Variants in PPM1G observed in about 807,000 individuals in gnomAD.
The protein encoded by PPM1G is protein phosphatase, Mg2+/Mn2+ dependent 1G.
In PPM1G, 12 loss-of-function variants were observed where a neutral mutation model predicts 59.4. The ratio of observed to expected loss-of-function variants is 0.20; its 90% CI spans 0.13 to 0.33. The LOEUF (loss-of-function observed/expected upper bound fraction) is 0.33. PPM1G is among the 10% of genes least tolerant of loss of function. The pLI, the probability that PPM1G is intolerant of heterozygous loss-of-function variation, is 1.00. For missense variants in PPM1G, 392 were observed against 681.3 expected (o/e 0.58, Z 4.73); for synonymous variants, 245 against 251.9 (o/e 0.97, Z 0.26).
intron 1 of PPM1G, among the ~76,000 whole-genome samples, chr2:27,398,311 AAAG>A (rs1684099231): frequency 6.6e-6 from 1 of 152,210 alleles, no homozygotes; most frequent in Non-Finnish European, 1.5e-5. Flanking sequence ...TCCACACACA[AAAG>A]AATGAAGTTG....
chr2:27,382,433 A>G lies in PPM1G; in HGVS notation c.1331+43T>C. 1 of 1,612,104 alleles carries G rather than the reference A, an allele frequency of 6.2e-7. No individual in the cohort carries two copies. Among genetic ancestry groups the G allele is most frequent in the Non-Finnish European group, 8.5e-7 (1 of 1,179,170 alleles). ...TGCCCTGAGTCCTATAAGAGAAGAC[A>G]TGCTGCAGAAAGGGGAATTTAGGGC... On this transcript the variant is annotated intron_variant, in intron 8 of 9. Transcript: ENST00000344034. The surrounding 1 kb of genome is among the most constrained non-coding windows in gnomAD (Gnocchi z 4.2).
At position 27,381,553 on chromosome 2, in the gene PPM1G, G is replaced by A. The variant is rs377582896; in HGVS notation, c.*46C>T. 6 of 1,606,430 alleles carry A rather than the reference G, an allele frequency of 3.7e-6. No individual in the cohort carries two copies. The African/African-American group carries it at 4.0e-5, about 11-fold the overall frequency. On this transcript the variant is annotated 3_prime_UTR_variant, in exon 10 of 10. Coordinates refer to ENST00000344034, the MANE Select transcript of PPM1G (RefSeq NM_177983.3). ...AAAGACAAAACTCAGTCTCAGGTCC[G>A]GAGGGCTCAGAAAACAGTCTAGGTG...
chr2:27,393,937 T>C (rs1481159430), intron 1 of PPM1G, among the ~76,000 whole-genome samples: 1 of 152,162 alleles, frequency 6.6e-6, no homozygotes, highest in Non-Finnish European at 1.5e-5. Context: ...CTGATTTTTG[T>C]ATTTTTAGCA....
Position 27,383,348 on chromosome 2 carries a change from C to T in PPM1G, c.1201+18G>A. ...AGAGAAAGACCCTAGAAGTCTTTCC[C>T]AGTTTCTTGGCCCTTACCAATGGCT... On this transcript the variant is annotated intron_variant, in intron 7 of 9. Coordinates refer to ENST00000344034, the MANE Select transcript of PPM1G (RefSeq NM_177983.3). The surrounding 1 kb of genome is among the most constrained non-coding windows in gnomAD (Gnocchi z 5.0). 6.2e-7 allele frequency: 1 copy of T among 1,607,710 alleles called. No individual in the cohort carries two copies. The highest frequency in any genetic ancestry group is 1.3e-5 in the African/African-American group (1 of 74,844).
At chr2:27,408,550 T>A (rs1303678301) in intron 1 of PPM1G, among the ~76,000 whole-genome samples, 1 of 152,150 alleles carries the variant, frequency 6.6e-6, no homozygotes, top group Non-Finnish European at 1.5e-5. Context: ...AAAAAATTGA[T>A]GAAATGACTT....
Position 27,383,381 on chromosome 2 carries a change from G to C in PPM1G, c.1186C>G (p.Leu396Val). ...TGGCCCTTACCAATGGCTCTGGAGA[G>C]GTTGAGGCCCCCGTTGACTCGCCCA... ...MDGRVNGGLNLSRAIGDHFYK... is the reference protein window; with the variant it reads ...MDGRVNGGLNVSRAIGDHFYK... The change falls in exon 7 of 10, where the codon CTC becomes GTC. Residue 396 changes from leucine to valine, a missense_variant. Physicochemically the swap from Leu to Val is conservative, Grantham distance 32. This residue lies in a region of PPM1G where 53 missense variants were observed against 175.4 expected (regional missense o/e 0.30). Coordinates refer to ENST00000344034, the MANE Select transcript of PPM1G (RefSeq NM_177983.3). The surrounding 1 kb of genome is among the most constrained non-coding windows in gnomAD (Gnocchi z 5.0). 2 of 1,614,130 alleles carry C rather than the reference G, an allele frequency of 1.2e-6. No individual in the cohort carries two copies. The highest frequency in any genetic ancestry group is 1.7e-6 in the Non-Finnish European group (2 of 1,180,000).
rs1008031206 is a variant in PPM1G at position 27,383,727 on chromosome 2, G to A, written c.967-127C>T. On this transcript the variant is annotated intron_variant, in intron 6 of 9. Coordinates refer to ENST00000344034, the MANE Select transcript of PPM1G (RefSeq NM_177983.3). The surrounding 1 kb of genome is among the most constrained non-coding windows in gnomAD (Gnocchi z 5.0). The stretch of plus-strand genomic sequence containing the variant: ...AAAAGAGCTTTAACAAACAGGAGAA[G>A]CACACATTTCATCTTTCTAGAGACA... The A allele has an allele frequency of 8.7e-7, 1 of 1,151,612 alleles. No individual in the cohort carries two copies. Among genetic ancestry groups the A allele is most frequent in the Non-Finnish European group, 1.2e-6 (1 of 820,518 alleles). 71.3% of individuals were successfully genotyped at this position (1,151,612 alleles called of 1,614,324 possible). A position where few individuals can be genotyped will look rare whatever the true frequency, so the allele number is the denominator to read the frequency against.
chr2:27,386,295 G>A lies in PPM1G; in HGVS notation c.191-16C>T, dbSNP rs780773184. On this transcript the variant is annotated splice_polypyrimidine_tract_variant and intron_variant, in intron 2 of 9. Coordinates refer to ENST00000344034, the MANE Select transcript of PPM1G (RefSeq NM_177983.3). ...ACTTCCTCCCCTAGAAGGAAAGGAA[G>A]GAAGGTCACCTGGAGCACTGCTCCC... 6.3e-7 allele frequency: 1 copy of A among 1,578,016 alleles called. No homozygotes were observed. Among genetic ancestry groups the A allele is most frequent in the East Asian group, 2.2e-5 (1 of 44,644 alleles).
At chr2:27,392,255 C>T (rs1219471141) in intron 1 of PPM1G, among the ~76,000 whole-genome samples, 1 of 148,970 alleles carries the variant, frequency 6.7e-6, no homozygotes, top group East Asian at 2.0e-4. Context: ...TGTTGTTGTT[C>T]CTGGATTACT....
chr2:27,391,974 G>A (rs771830242), intron 1 of PPM1G, among the ~76,000 whole-genome samples: 1 of 151,654 alleles, frequency 6.6e-6, no homozygotes, highest in African/African-American at 2.4e-5. Flanking sequence ...CTCGTGATCT[G>A]CCCACCTTGG....
Position 27,382,315 on chromosome 2 carries a change from G to A in PPM1G, c.1332-87C>T. 6.4e-7 allele frequency: 1 copy of A among 1,554,834 alleles called. No homozygotes were observed. On this transcript the variant is annotated intron_variant, in intron 8 of 9. Coordinates refer to ENST00000344034, the MANE Select transcript of PPM1G (RefSeq NM_177983.3). The surrounding 1 kb of genome is among the most constrained non-coding windows in gnomAD (Gnocchi z 4.2). Reference sequence around the variant, plus strand: ...GACAGAGGTGGTGGCCCAGGCCAGTGTAAATAACTACAGAAATTCTCAGCT... The same window carrying A: ...GACAGAGGTGGTGGCCCAGGCCAGTATAAATAACTACAGAAATTCTCAGCT...
chr2:27,393,755 T>G (rs1037027060), intron 1 of PPM1G, among the ~76,000 whole-genome samples: 3 of 151,286 alleles, frequency 2.0e-5, no homozygotes, highest in Admixed American at 1.3e-4. Context: ...CAGCTAATTT[T>G]TTATTTTTAT....
rs758422602 is a variant in PPM1G, at chr2:27,385,004, T to C, written c.494A>G (p.His165Arg). Reference protein sequence around the residue: ...ELLTRYGQNCHKGPPHSKSGG... With the variant: ...ELLTRYGQNCRKGPPHSKSGG... ...AGATTTGCTGTGGGGAGGGCCCTTG[T>C]GACAGTTCTGCCCGTAGCGTGTCAG... Residue 165 changes from histidine to arginine, a missense_variant, in exon 5 of 10, where the codon CAC becomes CGC. By Grantham distance (29) the His-to-Arg change is conservative. This residue lies in a region of PPM1G where 188 missense variants were observed against 248.8 expected (regional missense o/e 0.76). Coordinates refer to ENST00000344034, the MANE Select transcript of PPM1G (RefSeq NM_177983.3). The surrounding 1 kb of genome is among the most constrained non-coding windows in gnomAD (Gnocchi z 4.1). 6.2e-7 allele frequency: 1 copy of C among 1,614,168 alleles called. No individual in the cohort carries two copies. Among genetic ancestry groups the C allele is most frequent in the Admixed American group, 1.7e-5 (1 of 60,018 alleles).
intron 1 of PPM1G, among the ~76,000 whole-genome samples, chr2:27,394,367 A>G (rs1192379915): frequency 6.6e-6 from 1 of 152,102 alleles, no homozygotes; most frequent in African/African-American, 2.4e-5. Context: ...CATCTGAATT[A>G]TTTTCCCTGA....
At position 27,382,133 on chromosome 2, in the gene PPM1G, A is replaced by G. The variant is rs1216260254; in HGVS notation, c.1427T>C (p.Val476Ala). The change falls in exon 9 of 10, where the codon GTG becomes GCG. Residue 476 changes from valine (V) to alanine (A), a missense_variant. Val to Ala is a moderately conservative substitution (Grantham distance 64). Coordinates refer to ENST00000344034, the MANE Select transcript of PPM1G (RefSeq NM_177983.3). This position sits in a 1 kb window ranked among gnomAD's most constrained non-coding sequence, Gnocchi z 4.2. ...CTCCACCCTGGTACTCACCTCTTCC[A>G]CAATGGATGACAATAACCGAAGCTC... ...NGELRLLSSIVEELLDQCLAP... is the reference protein window; with the variant it reads ...NGELRLLSSIAEELLDQCLAP... 1.2e-6 allele frequency: 2 copies of G among 1,613,782 alleles called. No individual in the cohort carries two copies. Among genetic ancestry groups the G allele is most frequent in the Admixed American group, 3.3e-5 (2 of 60,014 alleles).
Position 27,382,589 on chromosome 2 carries a change from C to T in PPM1G, c.1218G>A (p.Lys406=), listed in dbSNP as rs1319288644. ...CCTCAGGTGGCAGGTTCTTGTTTCT[C>T]TTATAGAAGTGGTCCCCTGGAGTAA... ...LSRAIGDHFY[K]RNKNLPPEEQ... Residue 406 remains lysine (K), a synonymous_variant, in exon 8 of 10, where the codon AAG becomes AAA. Coordinates refer to ENST00000344034, the MANE Select transcript of PPM1G (RefSeq NM_177983.3). This position sits in a 1 kb window ranked among gnomAD's most constrained non-coding sequence, Gnocchi z 4.2. 6.2e-7 allele frequency: 1 copy of T among 1,614,180 alleles called. No individual in the cohort carries two copies. The highest frequency in any genetic ancestry group is 8.5e-7 in the Non-Finnish European group (1 of 1,180,024).
intron 1 of PPM1G, among the ~76,000 whole-genome samples, 155 bp downstream of exon 1, chr2:27,409,148 C>T (rs981903297): frequency 3.9e-5 from 6 of 152,202 alleles, no homozygotes; most frequent in Admixed American, 2.0e-4. Context: ...TCCCTCTCGG[C>T]CCTGACCCCG....
In PPM1G at chr2:27,383,444, C is replaced by T; in HGVS notation, c.1123G>A (p.Ala375Thr). Residue 375 changes from alanine to threonine, a missense_variant, in exon 7 of 10, where the codon GCA becomes ACA. Ala to Thr is a moderately conservative substitution (Grantham distance 58, BLOSUM62 0). Transcript: ENST00000344034. This position sits in a 1 kb window ranked among gnomAD's most constrained non-coding sequence, Gnocchi z 5.0. ...TTGCCACCAGCATTCTTGATGCGTG[C>T]TAGTTCTACTTCATCCTCTGGTTTG... Reference protein sequence around the residue: ...DHKPEDEVELARIKNAGGKVT... With the variant: ...DHKPEDEVELTRIKNAGGKVT... 1 of 1,614,172 alleles carries T rather than the reference C, an allele frequency of 6.2e-7. No homozygotes were observed. Among genetic ancestry groups the T allele is most frequent in the African/African-American group, 1.3e-5 (1 of 75,044 alleles).
chr2:27,390,080 G>C (rs1728927), intron 1 of PPM1G, among the ~76,000 whole-genome samples: 1 of 151,788 alleles, frequency 6.6e-6, no homozygotes, highest in African/African-American at 2.4e-5. Context: ...AGAGTGGCGC[G>C]ATCTAGGCTC....
Sources: gnomAD v4.1 joint callset for allele counts (sites outside exome capture counted in the v4.1 genomes callset) on GRCh38, gnomAD v4.1.1 for gene constraint, gnomAD v4.1.1 regional missense constraint, Gnocchi (gnomAD v3.1) non-coding constraint, MANE v1.5 for transcripts, NCBI Gene and HGNC (gene_info 2026-07-23, HGNC 2026-07-21) for gene names.